Variants in PSMD1 observed in about 807,000 individuals in gnomAD.
The protein encoded by PSMD1 is 26S proteasome non-ATPase regulatory subunit 1.
A neutral mutation model predicts 119.0 loss-of-function variants in PSMD1; 18 were observed. The observed-to-expected ratio is 0.15, with a 90% confidence interval of 0.10 to 0.22. The LOEUF (loss-of-function observed/expected upper bound fraction) is 0.22. Among genes scored for constraint, PSMD1 ranks in the 10% least tolerant of loss-of-function variants. PSMD1 has a pLI of 1.00. For synonymous variants in PSMD1, 374 were observed against 396.6 expected, an observed-to-expected ratio of 0.94 and a Z score of 0.68; for missense variants, 702 against 1,158.5, an observed-to-expected ratio of 0.61 and a Z score of 5.72.
chr2:231,153,293 A>G (rs1262058266), intron 18 of PSMD1, among the ~76,000 whole-genome samples: 3 of 152,074 alleles, frequency 2.0e-5, no homozygotes, highest in Non-Finnish European at 2.9e-5. Flanking sequence ...GTGGTAATGT[A>G]TGAAATCGCA....
At chr2:231,094,840 A>G (rs1013980115) in intron 16 of PSMD1, among the ~76,000 whole-genome samples, 3 of 152,356 alleles carry the variant, frequency 2.0e-5, no homozygotes, top group African/African-American at 7.2e-5. Flanking sequence ...AGGTCTAGAG[A>G]TAAGGGCAAT....
intron 20 of PSMD1, 114 bp downstream of exon 20, chr2:231,161,623 T>C (rs1696642646): frequency 8.8e-7 from 1 of 1,133,204 alleles, no homozygotes; most frequent in South Asian, 1.6e-5. Context: ...TAACATCTTA[T>C]AATAACATTT....
chr2:231,119,095 T>A (rs894717698), intron 16 of PSMD1, among the ~76,000 whole-genome samples: 6 of 152,224 alleles, frequency 3.9e-5, no homozygotes, highest in Admixed American at 2.6e-4. Context: ...AATATGATAG[T>A]GTTTTAAATG....
chr2:231,115,756 T>C (rs959070939), intron 16 of PSMD1, among the ~76,000 whole-genome samples: 6 of 152,146 alleles, frequency 3.9e-5, no homozygotes, highest in Non-Finnish European at 8.8e-5. Context: ...AAATGTTATC[T>C]GAAAGTGTTA....
intron 16 of PSMD1, among the ~76,000 whole-genome samples, chr2:231,121,536 C>A (rs1053314379): frequency 2.0e-5 from 3 of 151,990 alleles, no homozygotes; most frequent in Admixed American, 6.6e-5. Context: ...ATGTTGGGTA[C>A]CAGCATTTTA....
At chr2:231,133,437 T>C (rs1025440793) in intron 16 of PSMD1, 5 of 152,248 alleles carry the variant, frequency 3.3e-5, no homozygotes, top group Admixed American at 3.3e-4. Context: ...ATCCTGAGGC[T>C]TAAAGCCTGA....
chr2:231,151,182 G>A (rs748328544), intron 18 of PSMD1, among the ~76,000 whole-genome samples: 4 of 151,650 alleles, frequency 2.6e-5, no homozygotes, highest in East Asian at 1.9e-4. Context: ...GTTTTTTTTG[G>A]TGGGGGGAGA....
chr2:231,120,339 A>G (rs1204401356), intron 16 of PSMD1, among the ~76,000 whole-genome samples: 4 of 152,166 alleles, frequency 2.6e-5, no homozygotes, highest in East Asian at 1.9e-4. Context: ...TTTTTATATC[A>G]GCATAAGGTG....
chr2:231,087,759 G>A (rs542199022), intron 16 of PSMD1, among the ~76,000 whole-genome samples: 6 of 152,038 alleles, frequency 3.9e-5, no homozygotes, highest in Non-Finnish European at 5.9e-5. Flanking sequence ...TCAGGAGTTC[G>A]AGATCACCCT....
intron 8 of PSMD1, among the ~76,000 whole-genome samples, chr2:231,075,913 TGA>T (rs1399223569): frequency 6.6e-6 from 1 of 152,186 alleles, no homozygotes; most frequent in African/African-American, 2.4e-5. Flanking sequence ...TTTTTGAAGT[TGA>T]GATTGTTACT....
chr2:231,147,565 G>A (rs1026167912), intron 18 of PSMD1, among the ~76,000 whole-genome samples: 5 of 152,184 alleles, frequency 3.3e-5, no homozygotes, highest in Non-Finnish European at 7.3e-5. Context: ...GATATCTCAT[G>A]TATCTTGTCA....
chr2:231,163,849 A>T (rs553500253), intron 21 of PSMD1, 122 bp downstream of exon 21: 1 of 712,462 alleles, frequency 1.4e-6, no homozygotes, highest in Non-Finnish European at 2.3e-6. Flanking sequence ...AACATTTGAC[A>T]TTACACAAGA....
At chr2:231,104,962 C>T (rs1356124161) in intron 16 of PSMD1, among the ~76,000 whole-genome samples, 2 of 151,972 alleles carry the variant, frequency 1.3e-5, no homozygotes, top group Admixed American at 1.3e-4. Context: ...GGTCTTATAC[C>T]ATGTTTTAAG....
intron 18 of PSMD1, among the ~76,000 whole-genome samples, chr2:231,153,294 T>C (rs1231084281): frequency 6.6e-6 from 1 of 152,076 alleles, no homozygotes; most frequent in Non-Finnish European, 1.5e-5. Context: ...TGGTAATGTA[T>C]GAAATCGCAT....
chr2:231,071,614 A>G (rs1416297270), intron 6 of PSMD1, among the ~76,000 whole-genome samples: 2 of 152,116 alleles, frequency 1.3e-5, no homozygotes, highest in African/African-American at 4.8e-5. Flanking sequence ...AACTTTGATT[A>G]ATGTGTTTAT....
At position 231,127,597 on chromosome 2, in the gene PSMD1, G is replaced by A. The variant is rs181379893; in HGVS notation, c.1884-11139G>A. On this transcript the variant is annotated intron_variant, in intron 16 of 24. Coordinates refer to ENST00000308696, the MANE Select transcript of PSMD1 (RefSeq NM_002807.4). ...CTCGAACTCTTGACCTCAAGTGATC[G>A]CCTGCCTCAGCCTCCCAAAGTGCTG... Among the ~76,000 whole-genome samples the A allele has an allele frequency of 1.8e-4, 28 of 152,188 alleles. No individual in the cohort carries two copies. The East Asian group carries it at 5.0e-3, about 27-fold the overall frequency.
At chr2:231,100,425 TG>T (rs1373919924) in intron 16 of PSMD1, among the ~76,000 whole-genome samples, 3 of 151,960 alleles carry the variant, frequency 2.0e-5, no homozygotes, top group Admixed American at 6.6e-5. Context: ...AAGAGAATGA[TG>T]GGGTGAGTGC....
intron 16 of PSMD1, among the ~76,000 whole-genome samples, chr2:231,116,829 A>G (rs1275843928): frequency 1.3e-5 from 2 of 152,134 alleles, no homozygotes; most frequent in African/African-American, 4.8e-5. Flanking sequence ...ACTGAAATTT[A>G]TAAGAGAGAT....
chr2:231,126,687 T>C (rs540157023), intron 16 of PSMD1, among the ~76,000 whole-genome samples: 2 of 152,258 alleles, frequency 1.3e-5, no homozygotes, highest in South Asian at 4.1e-4. Context: ...TGTTGTATTT[T>C]GCCTGTATTA....
Sources: allele counts gnomAD v4.1 joint callset (sites outside exome capture counted in the v4.1 genomes callset), GRCh38; gene constraint gnomAD v4.1.1; transcripts MANE v1.5; gene names NCBI Gene and HGNC (gene_info 2026-07-23, HGNC 2026-07-21).